The following BPIFC variants were observed in gnomAD, a reference collection of about 807,000 sequenced individuals.
BPIFC encodes BPI fold-containing family C protein.
In BPIFC, 60 loss-of-function variants were observed where a neutral mutation model predicts 57.6. The ratio of observed to expected loss-of-function variants is 1.04; its 90% CI spans 0.85 to 1.29. BPIFC has a LOEUF of 1.29. Ranked by LOEUF, BPIFC falls within the 50% of genes most tolerant of loss-of-function variation. The pLI is 0.00. For synonymous variants in BPIFC, 243 were observed against 224.5 expected, an observed-to-expected ratio of 1.08 and a Z score of -0.74; for missense variants, 581 against 600.5, an observed-to-expected ratio of 0.97 and a Z score of 0.34.
chr22:32,432,746 C>T (rs904746001), intron 11 of BPIFC, among the ~76,000 whole-genome samples: 3 of 152,158 alleles, frequency 2.0e-5, no homozygotes, highest in Non-Finnish European at 4.4e-5. Context: ...TGATACTACC[C>T]ACTGTGCCAG....
chr22:32,463,040 TA>T (rs1055459212), intron 1 of BPIFC, among the ~76,000 whole-genome samples: 4 of 152,154 alleles, frequency 2.6e-5, no homozygotes, highest in Non-Finnish European at 4.4e-5. Flanking sequence ...CCTTCTTGGT[TA>T]AAAAAAGTTT....
intron 13 of BPIFC, among the ~76,000 whole-genome samples, chr22:32,423,675 A>C (rs538830365): frequency 1.3e-5 from 2 of 151,574 alleles, no homozygotes; most frequent in South Asian, 4.2e-4. Flanking sequence ...CAATGTCAAA[A>C]AAAAAACAAA....
At chr22:32,457,146 A>T (rs771904939) in intron 3 of BPIFC, 117 bp downstream of exon 3, 50 of 1,212,844 alleles carry the variant, frequency 4.1e-5, no homozygotes, top group Non-Finnish European at 5.5e-5. Flanking sequence ...GTACTGGATC[A>T]CCCCACAGTA....
At chr22:32,438,144 T>C (rs1194686974) in intron 8 of BPIFC, among the ~76,000 whole-genome samples, 2 of 152,208 alleles carry the variant, frequency 1.3e-5, no homozygotes, top group Non-Finnish European at 2.9e-5. Context: ...CCCCAGTGGA[T>C]GCCTGAAAGT....
At chr22:32,421,178 A>G (rs547487111) in intron 13 of BPIFC, among the ~76,000 whole-genome samples, 11 of 152,322 alleles carry the variant, frequency 7.2e-5, no homozygotes, top group Admixed American at 5.9e-4. Flanking sequence ...ACTCAAGGTC[A>G]ACGTTGTCTG....
At chr22:32,415,367 C>T (rs1933642650) in intron 16 of BPIFC, among the ~76,000 whole-genome samples, 1 of 152,074 alleles carries the variant, frequency 6.6e-6, no homozygotes, top group South Asian at 2.1e-4. Context: ...ATATTTCCAC[C>T]TCCCCAAACA....
chr22:32,453,607 G>C (rs1030629661), intron 3 of BPIFC, 104 bp from the exon 4 acceptor site: 5 of 1,347,076 alleles, frequency 3.7e-6, no homozygotes, highest in Non-Finnish European at 4.8e-6. Context: ...CATGCCCTTA[G>C]ATACTTAGAA....
chr22:32,454,344 T>C (rs1934981374), intron 3 of BPIFC, among the ~76,000 whole-genome samples: 1 of 152,228 alleles, frequency 6.6e-6, no homozygotes, highest in Non-Finnish European at 1.5e-5. Flanking sequence ...GGGTGAGTCG[T>C]GTGTGCATAT....
chr22:32,441,084 C>T (rs1280350199), intron 8 of BPIFC, among the ~76,000 whole-genome samples: 6 of 152,146 alleles, frequency 3.9e-5, no homozygotes, highest in African/African-American at 1.4e-4. Context: ...ATTGCCTGCT[C>T]TCCCCCAACC....
chr22:32,450,143 T>C (rs867949155), intron 4 of BPIFC, among the ~76,000 whole-genome samples: 16 of 116,664 alleles, frequency 1.4e-4, no homozygotes, highest in South Asian at 1.2e-3. Context: ...CACACACACA[T>C]ATATACACAT....
At chr22:32,442,577 C>T in intron 8 of BPIFC, 94 bp downstream of exon 8, 2 of 1,258,576 alleles carry the variant, frequency 1.6e-6, no homozygotes, top group East Asian at 2.3e-5. Context: ...GGATGGATAG[C>T]TCAAGCTATA....
intron 8 of BPIFC, among the ~76,000 whole-genome samples, chr22:32,439,402 T>C (rs939975312): frequency 6.6e-6 from 1 of 152,118 alleles, no homozygotes; most frequent in Non-Finnish European, 1.5e-5. Flanking sequence ...GGGCTCAGGT[T>C]TCCCACTCGG....
At chr22:32,432,174 G>A (rs1355315343) in intron 12 of BPIFC, among the ~76,000 whole-genome samples, 199 bp downstream of exon 12, 1 of 151,596 alleles carries the variant, frequency 6.6e-6, no homozygotes, top group East Asian at 1.9e-4. Context: ...TCTAACTCCT[G>A]GCCTCAAGCA....
chr22:32,459,974 G>A (rs955534574), intron 2 of BPIFC, among the ~76,000 whole-genome samples: 1 of 152,202 alleles, frequency 6.6e-6, no homozygotes, highest in Non-Finnish European at 1.5e-5. Context: ...GAAGCAGCCT[G>A]GGTGAAGGAA....
At chr22:32,424,575 T>G in intron 13 of BPIFC, among the ~76,000 whole-genome samples, 1 of 50,912 alleles carries the variant, frequency 2.0e-5, no homozygotes, top group Non-Finnish European at 3.4e-5. Flanking sequence ...GTTATTTTCT[T>G]TCTTCTTCTT....
chr22:32,448,540 A>G (rs992368540), intron 4 of BPIFC, among the ~76,000 whole-genome samples: 4 of 152,182 alleles, frequency 2.6e-5, no homozygotes, highest in African/African-American at 9.7e-5. Context: ...GGAGAAACTT[A>G]GAGAGTTGAC....
rs1400410821 is a variant in BPIFC at position 32,429,355 on chromosome 22, C to T, written c.1217+1992G>A. 7.9e-5 allele frequency among the ~76,000 whole-genome samples: 12 copies of T among 151,346 alleles called. No individual in the cohort carries two copies. The East Asian group carries it at 1.6e-3, about 20-fold the overall frequency. ...CCAAGCAGCTGGAGCTACAGGCGCC[C>T]GCCACCACGCCCAGCTAATTTTTTG... On this transcript the variant is annotated intron_variant, in intron 13 of 16. Transcript: ENST00000300399.
intron 4 of BPIFC, among the ~76,000 whole-genome samples, chr22:32,449,662 C>T (rs1415190860): frequency 2.6e-5 from 4 of 152,034 alleles, no homozygotes; most frequent in Non-Finnish European, 5.9e-5. Context: ...CATCTAGGTT[C>T]TTTCTAGCAC....
chr22:32,452,907 T>C (rs541221947), intron 4 of BPIFC, among the ~76,000 whole-genome samples: 7 of 152,328 alleles, frequency 4.6e-5, no homozygotes, highest in East Asian at 1.9e-4. Flanking sequence ...CTGGAGACTA[T>C]GGCAGAGATT....
Sources: allele counts gnomAD v4.1 joint callset (sites outside exome capture counted in the v4.1 genomes callset), GRCh38; gene constraint gnomAD v4.1.1; transcripts MANE v1.5; gene names NCBI Gene and HGNC (gene_info 2026-07-23, HGNC 2026-07-21).